CEP135: variants seen among roughly 807,000 people sequenced by gnomAD.
The protein encoded by CEP135 is centrosomal protein 135, also known as centrosomal protein of 135 kDa.
Under a neutral mutation model 157.3 loss-of-function variants are expected in CEP135, and 142 were observed. The ratio of observed to expected loss-of-function variants is 0.90; its 90% CI spans 0.79 to 1.04. The LOEUF (loss-of-function observed/expected upper bound fraction) is 1.04, where lower values mean the gene tolerates loss of function less well. Ranked by LOEUF, CEP135 falls within the 50% of genes least tolerant of loss-of-function variation. The pLI is 0.00. For synonymous variants in CEP135, 396 were observed against 439.8 expected (o/e 0.90, Z 1.25); for missense variants, 1,317 against 1,309.2 (o/e 1.01, Z -0.09).
intron 15 of CEP135, among the ~76,000 whole-genome samples, chr4:55,998,152 T>G (rs1730042342): frequency 6.6e-6 from 1 of 152,178 alleles, no homozygotes; most frequent in Admixed American, 6.5e-5. Context: ...CTTTAGGCGA[T>G]TCTAAGCTAA....
intron 5 of CEP135, among the ~76,000 whole-genome samples, chr4:55,957,815 C>T (rs1041286431): frequency 6.6e-6 from 1 of 152,036 alleles, no homozygotes; most frequent in Non-Finnish European, 1.5e-5. Context: ...ATATAAATTC[C>T]ATTTGATTGA....
Position 56,021,864 on chromosome 4 carries a change from A to G in CEP135, c.3320+1084A>G, listed in dbSNP as rs544383433. On this transcript the variant is annotated intron_variant, in intron 24 of 25. Coordinates refer to ENST00000257287, the MANE Select transcript of CEP135 (RefSeq NM_025009.5). ...AACATGGCAAAACACCATCTCTACA[A>G]AAAAATTTTTGAAAATTAGCTGGGG... 1.6e-4 allele frequency among the ~76,000 whole-genome samples: 25 copies of G among 152,258 alleles called. No homozygotes were observed. In the East Asian group the frequency reaches 4.6e-3, roughly 28 times the overall value.
At chr4:56,011,686 C>T in intron 20 of CEP135, 114 bp from the exon 21 acceptor site, 2 of 1,001,152 alleles carry the variant, frequency 2.0e-6, no homozygotes, top group South Asian at 3.3e-5. Context: ...GCACAGATAT[C>T]TAATGCTTCC....
intron 5 of CEP135, among the ~76,000 whole-genome samples, chr4:55,958,539 T>C (rs80278333): frequency 2.1e-3 from 313 of 152,356 alleles, no homozygotes; most frequent in African/African-American, 7.3e-3. Context: ...GCTTTTCAGA[T>C]AATGTGTTTG....
At chr4:56,016,116 A>T (rs1408761396) in intron 21 of CEP135, among the ~76,000 whole-genome samples, 1 of 152,114 alleles carries the variant, frequency 6.6e-6, no homozygotes, top group African/African-American at 2.4e-5. Context: ...CTGTGTGAAG[A>T]TGGAGGCAGA....
At chr4:55,968,839 CCTT>C (rs1236552908) in intron 8 of CEP135, among the ~76,000 whole-genome samples, 2 of 152,116 alleles carry the variant, frequency 1.3e-5, no homozygotes, top group South Asian at 2.1e-4. Context: ...GCTCAAGTGG[CCTT>C]CTTCAGATGT....
At chr4:56,009,316 A>G (rs1348121156) in intron 18 of CEP135, among the ~76,000 whole-genome samples, 2 of 151,782 alleles carry the variant, frequency 1.3e-5, no homozygotes, top group Non-Finnish European at 2.9e-5. Context: ...GCCCGCCACC[A>G]CACCCGGCTA....
chr4:55,989,758 T>C (rs1729722945), intron 14 of CEP135, among the ~76,000 whole-genome samples: 1 of 152,174 alleles, frequency 6.6e-6, no homozygotes, highest in African/African-American at 2.4e-5. Context: ...AACAGTAAAA[T>C]CATTTTACAT....
chr4:55,993,605 A>G lies in CEP135; in HGVS notation c.2009+1520A>G, dbSNP rs566337799. On this transcript the variant is annotated intron_variant, in intron 15 of 25. Transcript: ENST00000257287. ...TCATGTCTGGATTCAGCTCTAAAGT[A>G]CAGATAACATGACATATTCTTGTCA... Among the ~76,000 whole-genome samples, 68 of 152,336 alleles carry G rather than the reference A, an allele frequency of 4.5e-4. No individual in the cohort carries two copies. The South Asian group carries it at 0.014, about 31-fold the overall frequency.
intron 4 of CEP135, among the ~76,000 whole-genome samples, chr4:55,955,464 G>C (rs544466173): frequency 6.6e-6 from 1 of 152,162 alleles, no homozygotes; most frequent in African/African-American, 2.4e-5. Context: ...GAAGCCAGGT[G>C]GGGGAAGACT....
At chr4:55,954,411 T>C (rs1209387055) in intron 4 of CEP135, 28 bp downstream of exon 4, 1 of 1,562,502 alleles carries the variant, frequency 6.4e-7, no homozygotes, top group Non-Finnish European at 8.6e-7. Flanking sequence ...CGAGACAAAT[T>C]ATACACATTT....
chr4:55,999,666 A>G, intron 17 of CEP135, 21 bp downstream of exon 17: 1 of 1,575,254 alleles, frequency 6.3e-7, no homozygotes, highest in East Asian at 2.2e-5. Context: ...GTTTAATGTA[A>G]TTTTCCAGCA....
chr4:55,986,075 G>C (rs933785540), intron 14 of CEP135, among the ~76,000 whole-genome samples: 1 of 152,148 alleles, frequency 6.6e-6, no homozygotes, highest in African/African-American at 2.4e-5. Flanking sequence ...TGACCTTTCT[G>C]TTCCCTGATT....
In CEP135 at chr4:56,025,572, C is replaced by T. The variant is rs1457135253; in HGVS notation, c.*11+958C>T. Among the ~76,000 whole-genome samples, 6 of 152,124 alleles carry T rather than the reference C, an allele frequency of 3.9e-5. No homozygotes were observed. The East Asian group carries it at 1.2e-3, about 30-fold the overall frequency. On this transcript the variant is annotated intron_variant, in intron 25 of 25. Transcript: ENST00000257287. ...TAAATTAGAGATTGTGGACTTTATT[C>T]TGTAAGTCAAAAGGAACGTGAACGT...
At chr4:55,961,725 T>TTGCAC (rs938500784) in intron 6 of CEP135, among the ~76,000 whole-genome samples, 1 of 125,674 alleles carries the variant, frequency 8.0e-6, no homozygotes, top group Non-Finnish European at 1.6e-5. Flanking sequence ...GATCACACCA[T>TTGCAC]TGCACTCCAG....
chr4:56,017,139 A>G (rs1200205368), intron 21 of CEP135, among the ~76,000 whole-genome samples: 2 of 152,038 alleles, frequency 1.3e-5, no homozygotes, highest in African/African-American at 4.8e-5. Flanking sequence ...AATTTTTTTC[A>G]TTATTTCAGT....
intron 4 of CEP135, among the ~76,000 whole-genome samples, chr4:55,956,553 G>T (rs1386232717): frequency 2.0e-5 from 3 of 151,612 alleles, no homozygotes; most frequent in African/African-American, 7.3e-5. Context: ...AGTTCTCACT[G>T]CCAGTTTTCT....
Position 56,003,932 on chromosome 4 carries a change from G to T in CEP135, c.2280+4287G>T, listed in dbSNP as rs527362555. On this transcript the variant is annotated intron_variant, in intron 17 of 25. Coordinates refer to ENST00000257287, the MANE Select transcript of CEP135 (RefSeq NM_025009.5). ...GACGGTGTCTTACCATGTTTCCCAG[G>T]CTGGTCTCCAACTCCTAGTCTCAAG... is the stretch of plus-strand genomic sequence containing the variant. 2.0e-5 allele frequency among the ~76,000 whole-genome samples: 3 copies of T among 152,020 alleles called. No homozygotes were observed. In the East Asian group the frequency reaches 5.8e-4, roughly 29 times the overall value.
intron 17 of CEP135, among the ~76,000 whole-genome samples, chr4:56,006,533 G>A (rs572618390): frequency 7.9e-5 from 12 of 152,226 alleles, no homozygotes; most frequent in African/African-American, 2.2e-4. Flanking sequence ...AGGAGGATCC[G>A]TTGAGTCCTA....
Sources: gnomAD v4.1 joint callset for allele counts (sites outside exome capture counted in the v4.1 genomes callset) on GRCh38, gnomAD v4.1.1 for gene constraint, MANE v1.5 for transcripts, NCBI Gene and HGNC (gene_info 2026-07-23, HGNC 2026-07-21) for gene names.